The following PCDHGA1 variants were observed in gnomAD, a reference collection of about 807,000 sequenced individuals.
The protein encoded by PCDHGA1 is protocadherin gamma-A1.
In PCDHGA1, 32 loss-of-function variants were observed where a neutral mutation model predicts 58.0. That is an observed-to-expected ratio of 0.55 (90% CI 0.42 to 0.74). The LOEUF (loss-of-function observed/expected upper bound fraction) is 0.74, where lower values mean the gene tolerates loss of function less well. Ranked by LOEUF, PCDHGA1 falls within the 30% of genes least tolerant of loss-of-function variation. The pLI is 0.00. For synonymous variants in PCDHGA1, 498 were observed against 501.1 expected (o/e 0.99, Z 0.08); for missense variants, 1,205 against 1,182.3 (o/e 1.02, Z -0.28).
rs778859896 is a variant in PCDHGA1 at position 141,331,648 on chromosome 5, C to G, written c.964C>G (p.Gln322Glu). Residue 322 changes from glutamine (Q) to glutamate (E), a missense_variant, in exon 1 of 4, where the codon CAG becomes GAG. Transcript: ENST00000517417. ...AATGTATTCAATGGAAGTTCAAGCC[C>G]AGGATGGTGCGGGGCTCATGGCTAA... Reference protein sequence around the residue: ...YKMYSMEVQAQDGAGLMAKVK... With the variant: ...YKMYSMEVQAEDGAGLMAKVK... 1.2e-5 allele frequency: 20 copies of G among 1,613,978 alleles called. No homozygotes were observed. The South Asian group carries it at 2.2e-4, about 18-fold the overall frequency.
chr5:141,371,696 C>G lies in PCDHGA1; in HGVS notation c.2421+38591C>G, dbSNP rs746156642. 4.3e-6 allele frequency: 7 copies of G among 1,614,058 alleles called. 1 individual carries two copies. The South Asian group carries it at 7.7e-5, about 18-fold the overall frequency. On this transcript the variant is annotated intron_variant, in intron 1 of 3. Transcript: ENST00000517417. ...ACAAAGGCAATCCACCGCTCTCCTCCAGCAAGACCATCACTCTGCACATCC... is the reference window on the plus strand; with the variant it reads ...ACAAAGGCAATCCACCGCTCTCCTCGAGCAAGACCATCACTCTGCACATCC...
At chr5:141,472,408 G>T (rs780468341) in intron 1 of PCDHGA1, among the ~76,000 whole-genome samples, 1 of 152,064 alleles carries the variant, frequency 6.6e-6, no homozygotes, top group Non-Finnish European at 1.5e-5. Flanking sequence ...AGGCGTGGTG[G>T]CACGCACCTG....
At chr5:141,454,721 A>G (rs2098797156) in intron 1 of PCDHGA1, among the ~76,000 whole-genome samples, 1 of 146,810 alleles carries the variant, frequency 6.8e-6, no homozygotes, top group South Asian at 2.2e-4. Flanking sequence ...ATTCCATATT[A>G]TATGTTATAG....
chr5:141,500,618 C>T (rs554274946), intron 2 of PCDHGA1, among the ~76,000 whole-genome samples: 1 of 152,262 alleles, frequency 6.6e-6, no homozygotes, highest in South Asian at 2.1e-4. Flanking sequence ...CCCAGTCATA[C>T]GGTACATTTC....
At chr5:141,339,259 C>A (rs768468594) in intron 1 of PCDHGA1, 2 of 1,614,184 alleles carry the variant, frequency 1.2e-6, no homozygotes, top group Non-Finnish European at 1.7e-6. Flanking sequence ...AGGAGCTCTG[C>A]GCTCAGAGCG....
At chr5:141,351,951 G>C in intron 1 of PCDHGA1, 1 of 1,613,068 alleles carries the variant, frequency 6.2e-7, no homozygotes, top group Non-Finnish European at 8.5e-7. Context: ...CCCGCGCTGG[G>C]GCCTGATGGC....
intron 1 of PCDHGA1, chr5:141,399,271 T>C: frequency 1.2e-6 from 2 of 1,613,926 alleles, no homozygotes; most frequent in Non-Finnish European, 1.7e-6. Flanking sequence ...TAATTGTCAA[T>C]TACAAGGCGA....
In PCDHGA1 at chr5:141,389,617, A is replaced by G. The variant is rs375985151; in HGVS notation, c.2421+56512A>G. 179 of 1,612,924 alleles carry G rather than the reference A, an allele frequency of 1.1e-4. No individual in the cohort carries two copies. The Middle Eastern group carries it at 3.6e-3, about 32-fold the overall frequency. ...TCTGCGCTCTTCGATATGGTGCCGC[A>G]CGCTGCAGAGCCTGGCTACTTGGTG... is the stretch of plus-strand genomic sequence containing the variant. On this transcript the variant is annotated intron_variant, in intron 1 of 3. Transcript: ENST00000517417.
chr5:141,362,499 A>G (rs1307285614), intron 1 of PCDHGA1: 2 of 1,614,042 alleles, frequency 1.2e-6, no homozygotes, highest in East Asian at 2.2e-5. Flanking sequence ...CCTCTTGGGA[A>G]CAAAATACAA....
Position 141,491,009 on chromosome 5 carries a change from C to A in PCDHGA1, c.2422-3798C>A. On this transcript the variant is annotated intron_variant, in intron 1 of 3. Transcript: ENST00000517417. This position sits in a 1 kb window ranked among gnomAD's most constrained non-coding sequence, Gnocchi z 6.9. ...TCTGCTCCTCCTGGCTCCTTGGTCA[C>A]CAAGGTGACAGCCGTGGATGCTGAT... 4 of 1,614,140 alleles carry A rather than the reference C, an allele frequency of 2.5e-6. No homozygotes were observed. Among genetic ancestry groups the A allele is most frequent in the Non-Finnish European group, 3.4e-6 (4 of 1,180,038 alleles).
At chr5:141,460,435 A>G (rs1002182353) in intron 1 of PCDHGA1, among the ~76,000 whole-genome samples, 1 of 152,144 alleles carries the variant, frequency 6.6e-6, no homozygotes, top group Admixed American at 6.6e-5. Context: ...GTATGGTGTG[A>G]GGTAACAATG....
intron 3 of PCDHGA1, among the ~76,000 whole-genome samples, chr5:141,510,203 G>A (rs1164886289): frequency 6.6e-6 from 1 of 151,680 alleles, no homozygotes; most frequent in Non-Finnish European, 1.5e-5. Flanking sequence ...AGCCCAGGAG[G>A]CAGAGGTTGC....
chr5:141,417,980 C>A lies in PCDHGA1; in HGVS notation c.2422-76827C>A, dbSNP rs905203424. On this transcript the variant is annotated intron_variant, in intron 1 of 3. Transcript: ENST00000517417. ...GATCCGCTACTCGATTCCGGAGGAG[C>A]TGGCCAAGGGCTCGGTGGTGGGGAA... is the stretch of plus-strand genomic sequence containing the variant. 4.3e-6 allele frequency: 7 copies of A among 1,613,856 alleles called. No homozygotes were observed. The Admixed American group carries it at 1.0e-4, about 23-fold the overall frequency.
At chr5:141,410,748 C>G in intron 1 of PCDHGA1, 1 of 1,245,396 alleles carries the variant, frequency 8.0e-7, no homozygotes, top group Non-Finnish European at 1.1e-6. Flanking sequence ...AATATTTTCT[C>G]AATGTTTTTT....
rs1458508114 is a variant in PCDHGA1, at chr5:141,489,523, C to T, written c.2422-5284C>T. ...GAATCAAAAGATTGACCGAGAAAGC[C>T]TATGTGGAGCCAGCACCAGCTGCCT... On this transcript the variant is annotated intron_variant, in intron 1 of 3. Transcript: ENST00000517417. This position sits in a 1 kb window ranked among gnomAD's most constrained non-coding sequence, Gnocchi z 4.5. The T allele has an allele frequency of 3.5e-5, 56 of 1,614,006 alleles. No homozygotes were observed. The highest frequency in any genetic ancestry group is 4.5e-5 in the Non-Finnish European group (53 of 1,180,044).
intron 1 of PCDHGA1, among the ~76,000 whole-genome samples, chr5:141,459,561 C>T (rs912894386): frequency 2.6e-5 from 4 of 151,954 alleles, no homozygotes; most frequent in African/African-American, 7.3e-5. Context: ...GGATAAATAC[C>T]CCAAAACAGA....
rs1388608588 is a variant in PCDHGA1 at position 141,481,102 on chromosome 5, A to T, written c.2422-13705A>T. The stretch of plus-strand genomic sequence containing the variant: ...GAAAAAAGAAAAGCAGTACTCTGGA[A>T]CCTACCAATCCATCATTTAGCATAT... On this transcript the variant is annotated intron_variant, in intron 1 of 3. Transcript: ENST00000517417. 3.3e-5 allele frequency among the ~76,000 whole-genome samples: 5 copies of T among 152,288 alleles called. No individual in the cohort carries two copies. The East Asian group carries it at 7.7e-4, about 24-fold the overall frequency.
intron 1 of PCDHGA1, chr5:141,395,029 AT>A: frequency 6.2e-7 from 1 of 1,613,976 alleles, no homozygotes. Context: ...CCTGCCTCAC[AT>A]TTTGTGGGTG....
chr5:141,427,839 G>T, intron 1 of PCDHGA1: 1 of 1,547,310 alleles, frequency 6.5e-7, no homozygotes, highest in Non-Finnish European at 8.8e-7. Flanking sequence ...GCGTGCCTTC[G>T]ACCACGAGCA....
Sources: gnomAD v4.1 joint callset for allele counts (sites outside exome capture counted in the v4.1 genomes callset) on GRCh38, gnomAD v4.1.1 for gene constraint, Gnocchi (gnomAD v3.1) non-coding constraint, MANE v1.5 for transcripts, NCBI Gene and HGNC (gene_info 2026-07-23, HGNC 2026-07-21) for gene names.